CHN2: variants seen among roughly 807,000 people sequenced by gnomAD.
CHN2 encodes the protein chimerin 2, also known as beta-chimaerin.
In CHN2, 35 loss-of-function variants were observed where a neutral mutation model predicts 56.3. The observed-to-expected ratio is 0.62, with a 90% CI of 0.47 to 0.82. CHN2 has a LOEUF of 0.82. Ranked by LOEUF, CHN2 falls within the 40% of genes least tolerant of loss-of-function variation. The pLI is 0.00. For missense variants in CHN2, 491 were observed against 580.5 expected, an observed-to-expected ratio of 0.85 and a Z score of 1.58; for synonymous variants, 210 against 212.8, an observed-to-expected ratio of 0.99 and a Z score of 0.12.
At chr7:29,220,650 C>G (rs528971845) in intron 1 of CHN2, among the ~76,000 whole-genome samples, 1 of 151,994 alleles carries the variant, frequency 6.6e-6, no homozygotes, top group Non-Finnish European at 1.5e-5. Context: ...TAAATTGAAG[C>G]GACAATTAAA....
At chr7:29,374,964 C>T (rs12113462) in intron 3 of CHN2, among the ~76,000 whole-genome samples, 2,362 of 146,868 alleles carry the variant, frequency 0.016, 85 homozygotes, top group African/African-American at 0.055. Context: ...CTTGGCTCAC[C>T]GCAACCTCCG....
chr7:29,447,342 C>A (rs952844102), intron 6 of CHN2, among the ~76,000 whole-genome samples: 5 of 152,122 alleles, frequency 3.3e-5, no homozygotes, highest in African/African-American at 7.2e-5. Context: ...TGACTCACAG[C>A]AGACTAGAAA....
intron 12 of CHN2, among the ~76,000 whole-genome samples, chr7:29,509,990 C>T (rs1791113325): frequency 6.6e-6 from 1 of 152,158 alleles, no homozygotes; most frequent in Non-Finnish European, 1.5e-5. Flanking sequence ...CCTTTAACTA[C>T]TCTGCCTCCG....
At chr7:29,334,826 G>A (rs903474156) in intron 1 of CHN2, among the ~76,000 whole-genome samples, 13 of 152,156 alleles carry the variant, frequency 8.5e-5, no homozygotes, top group East Asian at 1.9e-4. Flanking sequence ...TAAGTGTAAC[G>A]GCTAGGGTCA....
intron 1 of CHN2, among the ~76,000 whole-genome samples, chr7:29,291,240 A>T (rs181160618): frequency 1.2e-3 from 182 of 152,218 alleles, no homozygotes; most frequent in Non-Finnish European, 2.1e-3. Context: ...TCTTACTGAG[A>T]AGCAGCTGAT....
intron 1 of CHN2, among the ~76,000 whole-genome samples, chr7:29,317,867 C>G (rs1562913741): frequency 1.3e-5 from 2 of 152,120 alleles, no homozygotes; most frequent in African/African-American, 4.8e-5. Context: ...TGTGTTTGTA[C>G]ATGTTACGCC....
At chr7:29,175,561 C>T (rs1339619353) in intron 2 of CHN2, among the ~76,000 whole-genome samples, 2 of 152,138 alleles carry the variant, frequency 1.3e-5, no homozygotes, top group Non-Finnish European at 2.9e-5. Flanking sequence ...ATTCCTTGCT[C>T]TTCCACCATG....
intron 1 of CHN2, among the ~76,000 whole-genome samples, chr7:29,242,213 C>T (rs1310257267): frequency 6.6e-6 from 1 of 152,172 alleles, no homozygotes; most frequent in Non-Finnish European, 1.5e-5. Flanking sequence ...CTCTAAAGGA[C>T]ATATATCTAT....
Position 29,439,453 on chromosome 7 carries a change from G to A in CHN2, c.576+38625G>A, listed in dbSNP as rs1455260797. 3.3e-5 allele frequency among the ~76,000 whole-genome samples: 5 copies of A among 152,244 alleles called. No homozygotes were observed. The South Asian group carries it at 8.3e-4, about 25-fold the overall frequency. On this transcript the variant is annotated intron_variant, in intron 6 of 12. Coordinates refer to ENST00000222792, the MANE Select transcript of CHN2 (RefSeq NM_004067.4). ...GCATGTCTGGTGTTCTCTGCCTGGG[G>A]TCTTCTTCCCCACAAGATCTTTCCA...
At position 29,513,447 on chromosome 7, in the gene CHN2, A is replaced by C. The variant is rs1791716604; in HGVS notation, c.*712A>C. 2 of 152,438 alleles carry C rather than the reference A, an allele frequency of 1.3e-5. No individual in the cohort carries two copies. The highest frequency in any genetic ancestry group is 1.5e-5 in the Non-Finnish European group (1 of 68,052). 9.4% of individuals were successfully genotyped at this position (152,438 alleles called of 1,614,324 possible). A position where few individuals can be genotyped will look rare whatever the true frequency, so the allele number is the denominator to read the frequency against. On this transcript the variant is annotated 3_prime_UTR_variant, in exon 13 of 13. Coordinates refer to ENST00000222792, the MANE Select transcript of CHN2 (RefSeq NM_004067.4). ...AATTGTAGGATGGTCTGAAATGTCC[A>C]CACACTTTCTATGCATACAAATTTT...
At position 29,466,068 on chromosome 7, in the gene CHN2, G is replaced by A. The variant is rs527607890; in HGVS notation, c.577-14211G>A. Among the ~76,000 whole-genome samples the A allele has an allele frequency of 7.0e-4, 106 of 152,238 alleles. 2 individuals carry two copies. The South Asian group carries it at 0.012, about 17-fold the overall frequency. On this transcript the variant is annotated intron_variant, in intron 6 of 12. Coordinates refer to ENST00000222792, the MANE Select transcript of CHN2 (RefSeq NM_004067.4). ...AAAATATGAAAATTAGCAAGGTGTT[G>A]GGGGTGCACCTGTATCCCAGCCACT... is the stretch of plus-strand genomic sequence containing the variant.
intron 6 of CHN2, among the ~76,000 whole-genome samples, chr7:29,478,367 A>G (rs1320321106): frequency 6.6e-6 from 1 of 152,196 alleles, no homozygotes; most frequent in Non-Finnish European, 1.5e-5. Context: ...CAGTTAAGCT[A>G]TGGAGAAGCA....
At chr7:29,444,964 T>C (rs550462101) in intron 6 of CHN2, among the ~76,000 whole-genome samples, 1 of 152,304 alleles carries the variant, frequency 6.6e-6, no homozygotes, top group East Asian at 1.9e-4. Context: ...GAATCTTGAA[T>C]AGAAGAAAAG....
In CHN2 at chr7:29,166,983, T is replaced by A. The variant is rs187570442; in HGVS notation, c.274+20023T>A. ...CTCCACAATATAAGATATATTTCTA[T>A]GCTTTTTTGCATGCATAGAGTACAT... On this transcript the variant is annotated intron_variant, in intron 2 of 6. Transcript: ENST00000439384. Among the ~76,000 whole-genome samples, 4 of 152,292 alleles carry A rather than the reference T, an allele frequency of 2.6e-5. No individual in the cohort carries two copies. In the East Asian group the frequency reaches 5.8e-4, roughly 22 times the overall value.
intron 1 of CHN2, among the ~76,000 whole-genome samples, chr7:29,249,834 C>T (rs10215099): frequency 0.19 from 28,503 of 152,194 alleles, 3,077 homozygotes; most frequent in African/African-American, 0.28. Context: ...ATAGGAAAGA[C>T]TTTTCAGGAA....
rs79670014 is a variant in CHN2 at position 29,220,445 on chromosome 7, T to C, written c.49+25455T>C. 2.8e-3 allele frequency among the ~76,000 whole-genome samples: 418 copies of C among 151,496 alleles called. 2 individuals are homozygous for C. The highest frequency in any genetic ancestry group is 9.8e-3 in the African/African-American group (404 of 41,302). On this transcript the variant is annotated intron_variant, in intron 1 of 12. Transcript: ENST00000222792. ...CAATCAAGGAAAAAAGAAGAGAAAATACAATGAATTTCAGAAAAAAACAAG... is the reference window on the plus strand; with the variant it reads ...CAATCAAGGAAAAAAGAAGAGAAAACACAATGAATTTCAGAAAAAAACAAG...
At chr7:29,260,816 A>G (rs180888282) in intron 1 of CHN2, among the ~76,000 whole-genome samples, 11 of 152,326 alleles carry the variant, frequency 7.2e-5, no homozygotes, top group Admixed American at 5.2e-4. Flanking sequence ...AGTTTCTCCC[A>G]ATAGCAGAGG....
chr7:29,474,992 GTATT>G (rs1397596620), intron 6 of CHN2, among the ~76,000 whole-genome samples: 5 of 152,094 alleles, frequency 3.3e-5, no homozygotes, highest in Non-Finnish European at 7.4e-5. Context: ...AGTGAGAGGG[GTATT>G]TGTCTTTCTT....
At chr7:29,425,971 G>A (rs1318956664) in intron 6 of CHN2, among the ~76,000 whole-genome samples, 1 of 152,158 alleles carries the variant, frequency 6.6e-6, no homozygotes, top group East Asian at 1.9e-4. Context: ...AGCACTTTGG[G>A]AGGCCAAGGC....
Sources: gnomAD v4.1 joint callset for allele counts (sites outside exome capture counted in the v4.1 genomes callset) on GRCh38, gnomAD v4.1.1 for gene constraint, MANE v1.5 for transcripts, NCBI Gene and HGNC (gene_info 2026-07-23, HGNC 2026-07-21) for gene names.